Variants in CCSER1 observed in about 807,000 individuals in gnomAD.
CCSER1 encodes the protein coiled-coil serine rich protein 1.
A neutral mutation model predicts 82.0 loss-of-function variants in CCSER1; 41 were observed. The ratio of observed to expected loss-of-function variants is 0.50; its 90% CI spans 0.39 to 0.65. The LOEUF is 0.65. Ranked by LOEUF, CCSER1 falls within the 30% of genes least tolerant of loss-of-function variation. CCSER1 has a pLI of 0.00. For missense variants in CCSER1, 1,119 were observed against 1,064.2 expected (o/e 1.05, Z -0.72); for synonymous variants, 414 against 383.9 (o/e 1.08, Z -0.92).
At chr4:90,150,734 C>G (rs144047544) in intron 1 of CCSER1, among the ~76,000 whole-genome samples, 76 of 152,132 alleles carry the variant, frequency 5.0e-4, no homozygotes, top group African/African-American at 1.7e-3. Flanking sequence ...AGTAAGCCAG[C>G]TCTATTCTAT....
chr4:90,423,896 G>T (rs932358507), intron 4 of CCSER1, among the ~76,000 whole-genome samples: 4 of 151,736 alleles, frequency 2.6e-5, no homozygotes, highest in Admixed American at 1.3e-4. Flanking sequence ...CGGGTCAGGA[G>T]ATCGAAACCA....
chr4:90,780,012 G>A (rs1753531815), intron 7 of CCSER1, among the ~76,000 whole-genome samples: 1 of 152,074 alleles, frequency 6.6e-6, no homozygotes, highest in South Asian at 2.1e-4. Flanking sequence ...ACCGAGCCTG[G>A]AACCACTTAC....
chr4:90,684,930 A>G (rs970873666), intron 6 of CCSER1, among the ~76,000 whole-genome samples: 1 of 152,130 alleles, frequency 6.6e-6, no homozygotes, highest in African/African-American at 2.4e-5. Context: ...AGGCCTTTCC[A>G]GCCACATGGA....
At chr4:90,691,441 A>G (rs1735819963) in intron 6 of CCSER1, among the ~76,000 whole-genome samples, 1 of 151,312 alleles carries the variant, frequency 6.6e-6, no homozygotes, top group Admixed American at 6.6e-5. Flanking sequence ...ACTCATATAT[A>G]TGTATATCCC....
At chr4:90,549,307 A>C (rs1777168682) in intron 5 of CCSER1, among the ~76,000 whole-genome samples, 1 of 152,204 alleles carries the variant, frequency 6.6e-6, no homozygotes, top group Non-Finnish European at 1.5e-5. Flanking sequence ...TTTACAGTGA[A>C]ACTCCTCTTT....
intron 10 of CCSER1, among the ~76,000 whole-genome samples, chr4:91,395,917 A>G (rs10516894): frequency 0.031 from 4,775 of 152,196 alleles, 232 homozygotes; most frequent in African/African-American, 0.11. Context: ...TGTCATAAAC[A>G]GCTATTGAAT....
intron 5 of CCSER1, among the ~76,000 whole-genome samples, chr4:90,537,494 G>T (rs568056268): frequency 2.6e-5 from 4 of 151,650 alleles, no homozygotes; most frequent in Non-Finnish European, 5.9e-5. Flanking sequence ...CCATTTGTCC[G>T]TTTTTTCCAC....
chr4:90,895,453 T>C (rs963169157), intron 8 of CCSER1, among the ~76,000 whole-genome samples: 1 of 151,944 alleles, frequency 6.6e-6, no homozygotes, highest in African/African-American at 2.4e-5. Context: ...TCAAACTGGG[T>C]TGTTCTCTGT....
intron 9 of CCSER1, among the ~76,000 whole-genome samples, chr4:90,933,130 GA>G (rs1318428550): frequency 8.7e-6 from 1 of 114,654 alleles, no homozygotes; most frequent in Non-Finnish European, 1.8e-5. Flanking sequence ...ATGTTACCTA[GA>G]AGTGTGTGTG....
chr4:90,143,664 AT>A (rs1725251531), intron 1 of CCSER1, among the ~76,000 whole-genome samples: 1 of 148,268 alleles, frequency 6.7e-6, no homozygotes, highest in Non-Finnish European at 1.5e-5. Flanking sequence ...AGAATCAATT[AT>A]TTTACTTCTC....
intron 5 of CCSER1, among the ~76,000 whole-genome samples, chr4:90,570,244 G>A (rs1485702460): frequency 6.6e-6 from 1 of 152,142 alleles, no homozygotes; most frequent in Non-Finnish European, 1.5e-5. Context: ...CTGTGGTCTA[G>A]AATGTCTGGA....
At position 90,713,789 on chromosome 4, in the gene CCSER1, G is replaced by A. The variant is rs536708098; in HGVS notation, c.1933-10125G>A. On this transcript the variant is annotated intron_variant, in intron 6 of 10. Coordinates refer to ENST00000509176, the MANE Select transcript of CCSER1 (RefSeq NM_001145065.2). Reference sequence around the variant, plus strand: ...TCTTTTTCAGGTGCCCCAATCAGTCGTAGGTTCAGTCTCTACATAATCCCA... The same window carrying A: ...TCTTTTTCAGGTGCCCCAATCAGTCATAGGTTCAGTCTCTACATAATCCCA... 1.3e-4 allele frequency among the ~76,000 whole-genome samples: 20 copies of A among 151,940 alleles called. No homozygotes were observed. In the South Asian group the frequency reaches 2.5e-3, roughly 19 times the overall value.
At chr4:91,406,549 A>C (rs1220413654) in intron 10 of CCSER1, among the ~76,000 whole-genome samples, 2 of 152,236 alleles carry the variant, frequency 1.3e-5, no homozygotes, top group Non-Finnish European at 1.5e-5. Flanking sequence ...CAGTTCCACA[A>C]ATACACGCTA....
At chr4:90,787,121 T>C (rs567336033) in intron 7 of CCSER1, among the ~76,000 whole-genome samples, 1 of 152,342 alleles carries the variant, frequency 6.6e-6, no homozygotes, top group East Asian at 1.9e-4. Flanking sequence ...TACACCTTCA[T>C]TCAGATATCC....
Position 90,621,644 on chromosome 4 carries a change from T to G in CCSER1, c.1725-6381T>G, listed in dbSNP as rs146644933. 1.0e-3 allele frequency among the ~76,000 whole-genome samples: 152 copies of G among 152,368 alleles called. 1 individual carries two copies. Among genetic ancestry groups the G allele is most frequent in the African/African-American group, 3.5e-3 (146 of 41,594 alleles). On this transcript the variant is annotated intron_variant, in intron 5 of 10. Coordinates refer to ENST00000509176, the MANE Select transcript of CCSER1 (RefSeq NM_001145065.2). ...AGTGTCTGTCTGTAAATTGTTTTTC[T>G]GCTTCTTTGCATGCCTACTTATTGG...
chr4:91,209,502 G>A (rs949904062), intron 10 of CCSER1, among the ~76,000 whole-genome samples: 3 of 151,832 alleles, frequency 2.0e-5, no homozygotes, highest in East Asian at 1.9e-4. Flanking sequence ...CTGTTTATGC[G>A]ATGAATCACA....
intron 7 of CCSER1, among the ~76,000 whole-genome samples, chr4:90,772,748 T>C (rs1204460899): frequency 6.6e-6 from 1 of 152,128 alleles, no homozygotes; most frequent in African/African-American, 2.4e-5. Flanking sequence ...TAAAGAAAAA[T>C]AGGCTTTTCT....
At chr4:90,181,943 G>C (rs974664170) in intron 1 of CCSER1, among the ~76,000 whole-genome samples, 3 of 152,076 alleles carry the variant, frequency 2.0e-5, no homozygotes, top group African/African-American at 7.2e-5. Context: ...AAAAAATGGA[G>C]GATGGTTTGG....
chr4:90,627,882 T>A (rs775038654), intron 5 of CCSER1, 143 bp from the exon 6 acceptor site: 4 of 645,780 alleles, frequency 6.2e-6, no homozygotes, highest in Non-Finnish European at 1.1e-5. Context: ...TCTCAAAAAA[T>A]AAATAAATAA....
Sources: gnomAD v4.1 joint callset for allele counts (sites outside exome capture counted in the v4.1 genomes callset) on GRCh38, gnomAD v4.1.1 for gene constraint, MANE v1.5 for transcripts, NCBI Gene and HGNC (gene_info 2026-07-23, HGNC 2026-07-21) for gene names.